CCNY: variants seen among roughly 807,000 people sequenced by gnomAD.
CCNY encodes cyclin-Y.
Under a neutral mutation model 42.8 loss-of-function variants are expected in CCNY, and 19 were observed. That is an observed-to-expected ratio of 0.44 (90% CI 0.31 to 0.65). CCNY has a LOEUF of 0.65. Among genes scored for constraint, CCNY ranks in the 30% least tolerant of loss-of-function variants. The pLI, the probability that CCNY is intolerant of heterozygous loss-of-function variation, is 0.07. For synonymous variants in CCNY, 165 were observed against 162.7 expected (o/e 1.01, Z -0.11); for missense variants, 370 against 437.3 (o/e 0.85, Z 1.37).
At chr10:35,557,196 C>T (rs1297786726) in intron 8 of CCNY, among the ~76,000 whole-genome samples, 2 of 152,110 alleles carry the variant, frequency 1.3e-5, no homozygotes, top group African/African-American at 4.8e-5. Flanking sequence ...TAAAAGTATT[C>T]ATTAGAGACT....
chr10:35,355,551 G>T (rs550736673), intron 1 of CCNY, among the ~76,000 whole-genome samples: 1 of 151,724 alleles, frequency 6.6e-6, no homozygotes, highest in African/African-American at 2.4e-5. Flanking sequence ...GGTAGCGCAT[G>T]CCTGTAGTCC....
intron 3 of CCNY, among the ~76,000 whole-genome samples, chr10:35,268,402 C>T (rs2095727787): frequency 1.3e-5 from 2 of 152,226 alleles, no homozygotes; most frequent in African/African-American, 4.8e-5. Flanking sequence ...ATCTTTGCCT[C>T]GTGTCCCACA....
chr10:35,551,013 C>T (rs1171908307), intron 7 of CCNY, among the ~76,000 whole-genome samples: 4 of 152,160 alleles, frequency 2.6e-5, no homozygotes, highest in African/African-American at 9.7e-5. Flanking sequence ...AGAAAGCGTC[C>T]AGAGTCAGGC....
chr10:35,329,192 G>T (rs1337240978), intron 3 of CCNY, among the ~76,000 whole-genome samples: 4 of 152,122 alleles, frequency 2.6e-5, no homozygotes, highest in Admixed American at 6.5e-5. Context: ...AATGACCTAG[G>T]AATTCCAATT....
At chr10:35,460,053 A>C (rs927058874) in intron 1 of CCNY, among the ~76,000 whole-genome samples, 1 of 152,220 alleles carries the variant, frequency 6.6e-6, no homozygotes. Flanking sequence ...TGCTAGTGGA[A>C]TAGCAGGGGA....
At chr10:35,513,372 C>G (rs1030580193) in intron 3 of CCNY, among the ~76,000 whole-genome samples, 1 of 152,142 alleles carries the variant, frequency 6.6e-6, no homozygotes, top group South Asian at 2.1e-4. Flanking sequence ...TTGGGACAAT[C>G]TTTCTAAATT....
chr10:35,399,950 G>A (rs1837609028), intron 1 of CCNY, among the ~76,000 whole-genome samples: 1 of 152,162 alleles, frequency 6.6e-6, no homozygotes, highest in Middle Eastern at 3.2e-3. Context: ...GGCTAGTAGA[G>A]ATAAAGTTCT....
intron 3 of CCNY, among the ~76,000 whole-genome samples, chr10:35,310,713 A>G (rs1338438908): frequency 6.6e-6 from 1 of 152,102 alleles, no homozygotes; most frequent in Non-Finnish European, 1.5e-5. Context: ...AGCTTTTTTG[A>G]TTGCTTAGCC....
intron 3 of CCNY, among the ~76,000 whole-genome samples, chr10:35,318,613 T>G (rs780353071): frequency 8.5e-5 from 13 of 152,192 alleles, no homozygotes; most frequent in Non-Finnish European, 1.3e-4. Context: ...GCAGTTTTCT[T>G]GCAGTTCTGA....
chr10:35,335,917 CA>C (rs1430552785), upstream of CCNY: 336 of 153,148 alleles, frequency 2.2e-3, 3 homozygotes, highest in Non-Finnish European at 2.3e-3. Context: ...CACACACACA[CA>C]CACACACACC....
intron 1 of CCNY, among the ~76,000 whole-genome samples, chr10:35,341,544 C>G (rs1836183259): frequency 6.6e-6 from 1 of 152,168 alleles, no homozygotes; most frequent in African/African-American, 2.4e-5. Flanking sequence ...TAACCAAGTG[C>G]CTAGAGTAGC....
At chr10:35,482,458 T>A (rs929963432) in intron 1 of CCNY, among the ~76,000 whole-genome samples, 1 of 152,252 alleles carries the variant, frequency 6.6e-6, no homozygotes, top group African/African-American at 2.4e-5. Flanking sequence ...TTTTGTTTTT[T>A]AAACTGGAAA....
Position 35,571,198 on chromosome 10 carries a change from C to T in CCNY, c.*2028C>T, listed in dbSNP as rs1841679215. On this transcript the variant is annotated 3_prime_UTR_variant, in exon 10 of 10. Transcript: ENST00000374704. Reference sequence around the variant, plus strand: ...AATCCATTTCAGGAAAGAGGTTCTGCTGCCGTAAAGGCAGAAATTTTATTT... The same window carrying T: ...AATCCATTTCAGGAAAGAGGTTCTGTTGCCGTAAAGGCAGAAATTTTATTT... 1 of 152,198 alleles carries T rather than the reference C, an allele frequency of 6.6e-6. No individual in the cohort carries two copies. Among genetic ancestry groups the T allele is most frequent in the African/African-American group, 2.4e-5 (1 of 41,450 alleles). 9.4% of individuals were successfully genotyped at this position (152,198 alleles called of 1,614,324 possible).
At chr10:35,421,111 C>G (rs893731078) in intron 1 of CCNY, among the ~76,000 whole-genome samples, 1 of 152,154 alleles carries the variant, frequency 6.6e-6, no homozygotes, top group East Asian at 1.9e-4. Flanking sequence ...GGGTGTAGGA[C>G]GAGGTTCAAA....
Position 35,353,826 on chromosome 10 carries a change from G to A in CCNY, c.154+16619G>A, listed in dbSNP as rs900844747. ...AGGGAATTGTATTAGTTGAAAAGCT[G>A]TACAAGAAATTACCCCAACATTTAG... On this transcript the variant is annotated intron_variant, in intron 1 of 9. Transcript: ENST00000374704. Among the ~76,000 whole-genome samples, 4 of 152,216 alleles carry A rather than the reference G, an allele frequency of 2.6e-5. No individual in the cohort carries two copies. The East Asian group carries it at 7.7e-4, about 29-fold the overall frequency.
intron 1 of CCNY, among the ~76,000 whole-genome samples, chr10:35,397,296 G>A (rs1837547448): frequency 6.6e-6 from 1 of 152,214 alleles, no homozygotes; most frequent in Non-Finnish European, 1.5e-5. Context: ...CTTACCCCAT[G>A]TCATTATATT....
At chr10:35,473,159 A>G (rs1351413666) in intron 1 of CCNY, among the ~76,000 whole-genome samples, 1 of 152,154 alleles carries the variant, frequency 6.6e-6, no homozygotes. Context: ...TGTGTCATGT[A>G]CTTCATCTTG....
At chr10:35,250,805 G>T (rs559811309) in intron 3 of CCNY, among the ~76,000 whole-genome samples, 1 of 152,316 alleles carries the variant, frequency 6.6e-6, no homozygotes, top group South Asian at 2.1e-4. Flanking sequence ...CATCTGGGAA[G>T]ATTCAGGGCT....
intron 3 of CCNY, among the ~76,000 whole-genome samples, chr10:35,307,814 A>T (rs1189414647): frequency 0.035 from 2,193 of 63,390 alleles, 96 homozygotes; most frequent in Middle Eastern, 0.045. Context: ...ATATATATAT[A>T]TATATTTTTT....
Sources: allele counts gnomAD v4.1 joint callset (sites outside exome capture counted in the v4.1 genomes callset), GRCh38; gene constraint gnomAD v4.1.1; transcripts MANE v1.5; gene names NCBI Gene and HGNC (gene_info 2026-07-23, HGNC 2026-07-21).